Variants in GLDC observed in about 807,000 individuals in gnomAD.
GLDC encodes the protein glycine decarboxylase.
A neutral mutation model predicts 121.3 loss-of-function variants in GLDC; 104 were observed. That is an observed-to-expected ratio of 0.86 (90% CI 0.73 to 1.01). The LOEUF is 1.01. Ranked by LOEUF, GLDC falls within the 50% of genes least tolerant of loss-of-function variation. The pLI is 0.00. For synonymous variants in GLDC, 546 were observed against 480.6 expected, an observed-to-expected ratio of 1.14 and a Z score of -1.78; for missense variants, 1,429 against 1,306.6, an observed-to-expected ratio of 1.09 and a Z score of -1.44.
chr9:6,593,877 G>C (rs183785411), intron 9 of GLDC, among the ~76,000 whole-genome samples: 1 of 151,484 alleles, frequency 6.6e-6, no homozygotes, highest in African/African-American at 2.4e-5. Flanking sequence ...ATTTTTAGTA[G>C]AGACAGGGTT....
chr9:6,638,668 T>A (rs1819562089), intron 2 of GLDC, among the ~76,000 whole-genome samples: 1 of 152,136 alleles, frequency 6.6e-6, no homozygotes, highest in African/African-American at 2.4e-5. Flanking sequence ...CTATTTATAT[T>A]AAGAAGGTAA....
chr9:6,554,968 G>C (rs116133476), intron 18 of GLDC, 187 bp from the exon 19 acceptor site: 2 of 654,920 alleles, frequency 3.1e-6, no homozygotes, highest in African/African-American at 1.8e-5. Flanking sequence ...GCATCCGATA[G>C]GCAGAGTGCT....
intron 21 of GLDC, among the ~76,000 whole-genome samples, chr9:6,542,885 C>CAAA (rs5896153): frequency 1.6e-4 from 10 of 61,378 alleles, no homozygotes; most frequent in Admixed American, 2.2e-4. Flanking sequence ...GACCTTTTCT[C>CAAA]AAAAAAAAAA....
chr9:6,565,248 C>T (rs866791875), intron 16 of GLDC, 106 bp downstream of exon 16: 2 of 825,482 alleles, frequency 2.4e-6, no homozygotes, highest in Middle Eastern at 2.2e-4. Flanking sequence ...TATGTTCCCT[C>T]ATCTGCTTCC....
intron 21 of GLDC, 125 bp from the exon 22 acceptor site, chr9:6,540,271 C>G: frequency 2.8e-6 from 2 of 722,836 alleles, no homozygotes; most frequent in East Asian, 5.3e-5. Flanking sequence ...GACCAAGAAG[C>G]CATGGGCACC....
At chr9:6,607,179 G>C (rs928165903) in intron 4 of GLDC, among the ~76,000 whole-genome samples, 1 of 152,162 alleles carries the variant, frequency 6.6e-6, no homozygotes, top group South Asian at 2.1e-4. Context: ...TCAGTCTTAA[G>C]ATGGTTCAAT....
At chr9:6,581,399 C>T (rs534460306) in intron 15 of GLDC, among the ~76,000 whole-genome samples, 27 of 152,300 alleles carry the variant, frequency 1.8e-4, no homozygotes, top group African/African-American at 6.5e-4. Flanking sequence ...CTGTGCTTTC[C>T]GGGATCAGCA....
chr9:6,596,157 A>G lies in GLDC; in HGVS notation c.1156-1038T>C, dbSNP rs755957904. Among the ~76,000 whole-genome samples, 4 of 152,180 alleles carry G rather than the reference A, an allele frequency of 2.6e-5. 1 individual carries two copies. The highest frequency in any genetic ancestry group is 5.9e-5 in the Non-Finnish European group (4 of 68,044). On this transcript the variant is annotated intron_variant, in intron 8 of 24. Transcript: ENST00000321612. Reference sequence around the variant, plus strand: ...AAGAATCTGTGACACACTGTGCCCAAATGCTCATGGCTGTGTTGCTGGAAA... The same window carrying G: ...AAGAATCTGTGACACACTGTGCCCAGATGCTCATGGCTGTGTTGCTGGAAA...
chr9:6,580,398 C>T (rs538120610), intron 15 of GLDC, among the ~76,000 whole-genome samples: 5 of 152,280 alleles, frequency 3.3e-5, no homozygotes, highest in East Asian at 3.9e-4. Flanking sequence ...CCAGGGATTC[C>T]GCCCCTCGGA....
intron 21 of GLDC, chr9:6,542,293 C>T (rs939076477): frequency 2.6e-5 from 4 of 152,296 alleles, no homozygotes; most frequent in African/African-American, 9.6e-5. Flanking sequence ...GGCTGGAGTG[C>T]AGTAGTGCCA....
rs7020315 is a variant in GLDC at position 6,604,895 on chromosome 9, C to G, written c.862-111G>C. The G allele has an allele frequency of 3.2e-6, 3 of 947,746 alleles. No individual in the cohort carries two copies. The Admixed American group carries it at 5.5e-5, about 17-fold the overall frequency. 58.7% of individuals were successfully genotyped at this position (947,746 alleles called of 1,614,324 possible). ...AAGACGGGCAGAGTGTGTTCACATCCTGTGAACTCCATTGCTCATTCATTC... is the reference window on the plus strand; with the variant it reads ...AAGACGGGCAGAGTGTGTTCACATCGTGTGAACTCCATTGCTCATTCATTC... On this transcript the variant is annotated intron_variant, in intron 6 of 24. Transcript: ENST00000321612.
At chr9:6,644,827 C>T (rs1819706585) in intron 1 of GLDC, 135 bp from the exon 2 acceptor site, 1 of 707,304 alleles carries the variant, frequency 1.4e-6, no homozygotes, top group Non-Finnish European at 2.5e-6. Flanking sequence ...AAAAGGAAAA[C>T]TCTGAGCAAG....
intron 15 of GLDC, among the ~76,000 whole-genome samples, chr9:6,579,313 T>C (rs58370564): frequency 0.019 from 2,940 of 152,280 alleles, 104 homozygotes; most frequent in African/African-American, 0.064. Context: ...ACAATTTTTT[T>C]TCACTTCCTC....
intron 3 of GLDC, among the ~76,000 whole-genome samples, chr9:6,612,272 T>C (rs9696061): frequency 6.2e-5 from 8 of 129,710 alleles, no homozygotes; most frequent in South Asian, 4.7e-4. Flanking sequence ...CTCACACACA[T>C]ACACATAGCC....
rs184444983 is a variant in GLDC, at chr9:6,548,446, C to T, written c.2569+2357G>A. On this transcript the variant is annotated intron_variant, in intron 21 of 24. Transcript: ENST00000321612. ...CACTTCACAGAAGCATTTTATTGTG[C>T]TGCTTAGAGACATGTTGCCCACAAC... Among the ~76,000 whole-genome samples, 378 of 152,272 alleles carry T rather than the reference C, an allele frequency of 2.5e-3. 1 individual carries two copies. Among genetic ancestry groups the T allele is most frequent in the African/African-American group, 8.9e-3 (368 of 41,562 alleles).
In GLDC at chr9:6,534,678, A is replaced by G. The variant is rs771452383; in HGVS notation, c.2919+30T>C. The G allele has an allele frequency of 3.3e-5, 41 of 1,255,598 alleles. 1 individual carries two copies. The South Asian group carries it at 4.8e-4, about 15-fold the overall frequency. 77.8% of individuals were successfully genotyped at this position (1,255,598 alleles called of 1,614,324 possible). A position where few individuals can be genotyped will look rare whatever the true frequency, so the allele number is the denominator to read the frequency against. On this transcript the variant is annotated intron_variant, in intron 24 of 24. Coordinates refer to ENST00000321612, the MANE Select transcript of GLDC (RefSeq NM_000170.3). ...GATAGGAGCTGGCCCATGCCTTCCC[A>G]GCTGGCACATTCAGATTCAGAGAAC...
chr9:6,591,246 C>G (rs1302904425), intron 11 of GLDC, among the ~76,000 whole-genome samples: 4 of 152,244 alleles, frequency 2.6e-5, no homozygotes, highest in Non-Finnish European at 5.9e-5. Flanking sequence ...GTCTAGAACA[C>G]TCGGACCCAT....
intron 8 of GLDC, among the ~76,000 whole-genome samples, chr9:6,598,211 A>G (rs78189992): frequency 0.025 from 3,758 of 151,980 alleles, 149 homozygotes; most frequent in African/African-American, 0.087. Flanking sequence ...TACTTTTTTT[A>G]TATAGACAGG....
At chr9:6,547,895 C>T (rs967285246) in intron 21 of GLDC, among the ~76,000 whole-genome samples, 5 of 152,014 alleles carry the variant, frequency 3.3e-5, no homozygotes, top group East Asian at 1.9e-4. Context: ...TTTGGGAGGC[C>T]GAGGTGGGAG....
Sources: gnomAD v4.1 joint callset for allele counts (sites outside exome capture counted in the v4.1 genomes callset) on GRCh38, gnomAD v4.1.1 for gene constraint, MANE v1.5 for transcripts, NCBI Gene and HGNC (gene_info 2026-07-23, HGNC 2026-07-21) for gene names.